The following SLC37A1 variants were observed in gnomAD, a reference collection of about 807,000 sequenced individuals.
SLC37A1 encodes the protein glucose-6-phosphate exchanger SLC37A1.
In SLC37A1, 49 loss-of-function variants were observed where a neutral mutation model predicts 75.3. The observed-to-expected ratio is 0.65, with a 90% confidence interval of 0.52 to 0.83. SLC37A1 has a LOEUF of 0.83. Ranked by LOEUF, SLC37A1 falls within the 40% of genes least tolerant of loss-of-function variation. The pLI, the probability that SLC37A1 is intolerant of heterozygous loss-of-function variation, is 0.00. For missense variants in SLC37A1, 566 were observed against 695.0 expected, an observed-to-expected ratio of 0.81 and a Z score of 2.09; for synonymous variants, 268 against 292.1, an observed-to-expected ratio of 0.92 and a Z score of 0.84.
chr21:42,538,826 C>G (rs2055205010), intron 5 of SLC37A1, among the ~76,000 whole-genome samples: 1 of 152,212 alleles, frequency 6.6e-6, no homozygotes, highest in Admixed American at 6.5e-5. Context: ...CTTATGCCAC[C>G]AGGTCCCCAG....
At chr21:42,543,367 GC>G in intron 7 of SLC37A1, 68 bp from the exon 8 acceptor site, 1 of 1,581,336 alleles carries the variant, frequency 6.3e-7, no homozygotes, top group Non-Finnish European at 8.7e-7. Context: ...GCACTGCTGC[GC>G]CCTGCACTGC....
intron 9 of SLC37A1, among the ~76,000 whole-genome samples, chr21:42,551,234 T>C (rs1425598528): frequency 6.6e-6 from 1 of 152,230 alleles, no homozygotes; most frequent in Admixed American, 6.5e-5. Flanking sequence ...AAGACCAGTA[T>C]ACAAAAATCA....
intron 1 of SLC37A1, 121 bp from the exon 2 acceptor site, chr21:42,518,156 A>G: frequency 2.6e-6 from 1 of 391,692 alleles, no homozygotes; most frequent in Middle Eastern, 7.7e-4. Flanking sequence ...CTTGTATCAG[A>G]CGTGCAGCTT....
At chr21:42,530,643 CACA>C (rs2054933415) in intron 3 of SLC37A1, among the ~76,000 whole-genome samples, 35 of 31,782 alleles carry the variant, frequency 1.1e-3, no homozygotes, top group Non-Finnish European at 1.6e-3. Context: ...CACACACACA[CACA>C]CACACACACC....
At chr21:42,575,159 A>C (rs913627983) in intron 18 of SLC37A1, 10 of 984,906 alleles carry the variant, frequency 1.0e-5, no homozygotes, top group Admixed American at 1.2e-4. Flanking sequence ...AGGAGCGTGG[A>C]GCTCCGTGGC....
chr21:42,538,582 G>A (rs1380178642), intron 5 of SLC37A1, among the ~76,000 whole-genome samples: 1 of 152,198 alleles, frequency 6.6e-6, no homozygotes, highest in Non-Finnish European at 1.5e-5. Context: ...TCTAATGCTT[G>A]TGAAGGGCTC....
chr21:42,523,674 A>G (rs1301462026), intron 2 of SLC37A1, among the ~76,000 whole-genome samples: 2 of 152,106 alleles, frequency 1.3e-5, no homozygotes. Flanking sequence ...CTTTTTTCCC[A>G]TTTGGCCCTT....
At chr21:42,566,544 C>A (rs2055982529) in intron 15 of SLC37A1, among the ~76,000 whole-genome samples, 1 of 152,208 alleles carries the variant, frequency 6.6e-6, no homozygotes, top group African/African-American at 2.4e-5. Flanking sequence ...AGGCAGCTTG[C>A]CCACAGGAGA....
At position 42,543,457 on chromosome 21, in the gene SLC37A1, C is replaced by T. The variant is rs751744995; in HGVS notation, c.585C>T (p.Val195=). ...GCAGGAGAGGTTTGATTATGGGGGT[C>T]TGGAACTCCCACACCTCCGTGGGCA... The part of the protein sequence containing the change: ...GKGRRGLIMG[V]WNSHTSVGNI... Residue 195 remains valine, a synonymous_variant, in exon 8 of 20, where the codon GTC becomes GTT. Coordinates refer to ENST00000352133, the MANE Select transcript of SLC37A1 (RefSeq NM_001320537.2). The T allele has an allele frequency of 1.2e-6, 2 of 1,614,148 alleles. No homozygotes were observed. Among genetic ancestry groups the T allele is most frequent in the Non-Finnish European group, 1.7e-6 (2 of 1,180,022 alleles).
At chr21:42,499,907 A>C (rs1601643157) in intron 1 of SLC37A1, among the ~76,000 whole-genome samples, 2 of 152,372 alleles carry the variant, frequency 1.3e-5, no homozygotes, top group East Asian at 3.9e-4. Flanking sequence ...GGGATGGCCT[A>C]GGCCGGGGAA....
intron 6 of SLC37A1, among the ~76,000 whole-genome samples, chr21:42,542,191 T>A (rs1327268743): frequency 6.6e-6 from 1 of 152,222 alleles, no homozygotes; most frequent in Non-Finnish European, 1.5e-5. Flanking sequence ...TAGGCATGCA[T>A]TGCTTTTATT....
At chr21:42,546,480 C>G (rs552685337) in intron 8 of SLC37A1, among the ~76,000 whole-genome samples, 156 of 152,346 alleles carry the variant, frequency 1.0e-3, no homozygotes, top group African/African-American at 3.6e-3. Context: ...TCTTCTGGGG[C>G]TTGTCCTCTG....
intron 9 of SLC37A1, among the ~76,000 whole-genome samples, chr21:42,551,944 GGT>G (rs2055569786): frequency 6.6e-6 from 1 of 151,994 alleles, no homozygotes; most frequent in Non-Finnish European, 1.5e-5. Context: ...TTGTACCTGG[GGT>G]GTGTTTCACG....
chr21:42,554,384 C>G (rs948935179), intron 10 of SLC37A1, among the ~76,000 whole-genome samples: 1 of 152,226 alleles, frequency 6.6e-6, no homozygotes, highest in Non-Finnish European at 1.5e-5. Flanking sequence ...ATGTCCCAGG[C>G]ACTATTCCAG....
chr21:42,518,697 T>C (rs970068871), intron 2 of SLC37A1, among the ~76,000 whole-genome samples, 187 bp downstream of exon 2: 2 of 152,228 alleles, frequency 1.3e-5, no homozygotes, highest in African/African-American at 4.8e-5. Flanking sequence ...AGGTGTCCTT[T>C]GTCCTTGGTA....
intron 6 of SLC37A1, among the ~76,000 whole-genome samples, chr21:42,542,135 G>A (rs2055297643): frequency 6.6e-6 from 1 of 151,960 alleles, no homozygotes; most frequent in African/African-American, 2.4e-5. Context: ...GTTCTGGCTG[G>A]GTTTTTTTTC....
intron 17 of SLC37A1, 125 bp downstream of exon 17, chr21:42,568,563 T>C: frequency 2.2e-6 from 2 of 920,144 alleles, no homozygotes; most frequent in African/African-American, 1.6e-5. Flanking sequence ...GGCTTCTTAC[T>C]ATACGAGCAG....
At chr21:42,533,273 G>T (rs1416215439) in intron 3 of SLC37A1, among the ~76,000 whole-genome samples, 1 of 152,076 alleles carries the variant, frequency 6.6e-6, no homozygotes, top group African/African-American at 2.4e-5. Context: ...ATGGGCACTC[G>T]ATCCCCCTAA....
intron 2 of SLC37A1, among the ~76,000 whole-genome samples, chr21:42,521,102 A>G (rs779724696): frequency 1.3e-5 from 2 of 152,192 alleles, no homozygotes; most frequent in Non-Finnish European, 2.9e-5. Context: ...CCATGGATGC[A>G]CCCCGTGGGG....
Sources: gnomAD v4.1 joint callset for allele counts (sites outside exome capture counted in the v4.1 genomes callset) on GRCh38, gnomAD v4.1.1 for gene constraint, MANE v1.5 for transcripts, NCBI Gene and HGNC (gene_info 2026-07-23, HGNC 2026-07-21) for gene names.